Variants in RGS10 observed in about 807,000 individuals in gnomAD.
The protein encoded by RGS10 is regulator of G-protein signalling 10.
Under a neutral mutation model 23.5 loss-of-function variants are expected in RGS10, and 11 were observed. The observed-to-expected ratio is 0.47, with a 90% CI of 0.29 to 0.77. RGS10 has a LOEUF of 0.77. Among genes scored for constraint, RGS10 ranks in the 30% least tolerant of loss-of-function variants. The pLI is 0.08. For missense variants in RGS10, 180 were observed against 226.3 expected (o/e 0.80, Z 1.31); for synonymous variants, 77 against 83.2 (o/e 0.92, Z 0.41).
In RGS10 at chr10:119,501,779, A is replaced by ACTT. The variant is rs1307805703; in HGVS notation, c.400-1521_400-1520insAAG. Among the ~76,000 whole-genome samples the ACTT allele has an allele frequency of 1.5e-4, 23 of 152,334 alleles. No homozygotes were observed. The East Asian group carries it at 2.7e-3, about 18-fold the overall frequency. ...TAAAACAAACATCTGAGGGACTCAA[A>ACTT]GGACTCAGAACATCTGCTTGGAGGA... On this transcript the variant is annotated intron_variant, in intron 4 of 4. Transcript: ENST00000369103.
intron 4 of RGS10, among the ~76,000 whole-genome samples, chr10:119,512,943 C>T (rs1042833097): frequency 6.6e-6 from 1 of 152,110 alleles, no homozygotes; most frequent in Non-Finnish European, 1.5e-5. Context: ...TAAACATATA[C>T]ATTATTATTA....
chr10:119,512,183 C>G (rs968721755), intron 4 of RGS10, among the ~76,000 whole-genome samples: 2 of 152,172 alleles, frequency 1.3e-5, no homozygotes, highest in Non-Finnish European at 2.9e-5. Context: ...AGGAAAGCGG[C>G]TGCTCTGCGG....
At chr10:119,515,770 C>A (rs1050649058) in intron 3 of RGS10, 118 bp from the exon 4 acceptor site, 7 of 1,261,324 alleles carry the variant, frequency 5.5e-6, no homozygotes, top group East Asian at 2.4e-5. Flanking sequence ...AGGCACCCCC[C>A]ACAGCCCAGG....
At chr10:119,535,712 T>A (rs1440693925) in intron 1 of RGS10, among the ~76,000 whole-genome samples, 3 of 152,194 alleles carry the variant, frequency 2.0e-5, no homozygotes, top group Non-Finnish European at 4.4e-5. Flanking sequence ...TCAACTTACA[T>A]CCTCAGAAGG....
Position 119,500,036 on chromosome 10 carries a change from G to T in RGS10, c.*77C>A. On this transcript the variant is annotated 3_prime_UTR_variant, in exon 5 of 5. Coordinates refer to ENST00000369103, the MANE Select transcript of RGS10 (RefSeq NM_001005339.2). ...CATTTCAGTCCTTACAAATAACAAA[G>T]CAATGATAAACCCGGCACGGTCCTG... is the stretch of plus-strand genomic sequence containing the variant. 1 of 1,458,594 alleles carries T rather than the reference G, an allele frequency of 6.9e-7. No individual in the cohort carries two copies. Among genetic ancestry groups the T allele is most frequent in the Non-Finnish European group, 9.3e-7 (1 of 1,071,532 alleles). 90.4% of individuals were successfully genotyped at this position (1,458,594 alleles called of 1,614,324 possible).
intron 4 of RGS10, among the ~76,000 whole-genome samples, chr10:119,515,157 T>C (rs1437646627): frequency 6.6e-6 from 1 of 152,202 alleles, no homozygotes; most frequent in Non-Finnish European, 1.5e-5. Flanking sequence ...GCTTGCTTTC[T>C]GGAGTTTTCC....
intron 4 of RGS10, among the ~76,000 whole-genome samples, chr10:119,507,160 T>C (rs1048564613): frequency 2.6e-5 from 4 of 152,174 alleles, no homozygotes; most frequent in Admixed American, 2.6e-4. Flanking sequence ...CGGAGCATGC[T>C]GGAAAATACC....
chr10:119,542,492 A>C, intron 1 of RGS10, 98 bp downstream of exon 1: 1 of 1,096,480 alleles, frequency 9.1e-7, no homozygotes, highest in Non-Finnish European at 1.2e-6. Flanking sequence ...TCTGGGAGGT[A>C]CCACCGAGCC....
intron 1 of RGS10, among the ~76,000 whole-genome samples, chr10:119,528,420 G>T (rs1408473943): frequency 2.0e-5 from 3 of 152,050 alleles, no homozygotes; most frequent in Non-Finnish European, 2.9e-5. Context: ...AGACAGGATC[G>T]GTTATGCTGA....
intron 4 of RGS10, among the ~76,000 whole-genome samples, chr10:119,513,279 G>A (rs377395104): frequency 5.5e-4 from 84 of 152,162 alleles, no homozygotes; most frequent in Non-Finnish European, 1.0e-3. Flanking sequence ...GCAACATAGC[G>A]AAAGTTCATC....
chr10:119,506,484 C>T (rs1844014096), intron 4 of RGS10, among the ~76,000 whole-genome samples: 1 of 152,202 alleles, frequency 6.6e-6, no homozygotes. Context: ...GGACGATATC[C>T]CCTCCCAAGC....
intron 4 of RGS10, among the ~76,000 whole-genome samples, chr10:119,504,786 G>A (rs945510503): frequency 6.6e-6 from 1 of 152,046 alleles, no homozygotes; most frequent in Admixed American, 6.6e-5. Flanking sequence ...AAGGAGTGCC[G>A]GCAGCCACCA....
intron 4 of RGS10, among the ~76,000 whole-genome samples, chr10:119,503,352 A>AG (rs1843972932): frequency 6.6e-6 from 1 of 152,000 alleles, no homozygotes; most frequent in East Asian, 1.9e-4. Context: ...AAAAAAAAAA[A>AG]AAAGAGAATG....
At chr10:119,507,500 C>T (rs1844028500) in intron 4 of RGS10, among the ~76,000 whole-genome samples, 1 of 151,342 alleles carries the variant, frequency 6.6e-6, no homozygotes, top group Admixed American at 6.6e-5. Flanking sequence ...AAAGAAACTG[C>T]ATTGCTAAAA....
At position 119,527,902 on chromosome 10, in the gene RGS10, C is replaced by T. The variant is rs1020720695; in HGVS notation, c.50-478G>A. 8.5e-5 allele frequency among the ~76,000 whole-genome samples: 13 copies of T among 152,308 alleles called. No individual in the cohort carries two copies. Among genetic ancestry groups the T allele is most frequent in the African/African-American group, 2.9e-4 (12 of 41,560 alleles). On this transcript the variant is annotated intron_variant, in intron 1 of 4. Transcript: ENST00000369103. The surrounding 1 kb of genome is among the most constrained non-coding windows in gnomAD (Gnocchi z 4.2). ...TGTCCTCATCTTGTATCTCCAGCAC[C>T]TAGCTCATTATCTGGCACAGAGATT...
At chr10:119,511,092 G>T (rs571149831) in intron 4 of RGS10, among the ~76,000 whole-genome samples, 56 of 152,216 alleles carry the variant, frequency 3.7e-4, no homozygotes, top group Middle Eastern at 6.8e-3. Flanking sequence ...TCTTTGTAAG[G>T]TAACCCCCTT....
rs1343930654 is a variant in RGS10 at position 119,527,195 on chromosome 10, T to C, written c.168+111A>G. The C allele has an allele frequency of 1.7e-5, 12 of 718,696 alleles. No individual in the cohort carries two copies. The highest frequency in any genetic ancestry group is 8.0e-5 in the East Asian group (3 of 37,276). The allele number at this position is 718,696 out of a possible 1,614,324, so 44.5% of individuals were successfully genotyped here. On this transcript the variant is annotated intron_variant, in intron 2 of 4. Transcript: ENST00000369103. The surrounding 1 kb of genome is among the most constrained non-coding windows in gnomAD (Gnocchi z 4.2). ...ACAGTACTGAACTCTCAAGCTGGCA[T>C]AGAGAGTGCTACGCTGACAGACAAT...
chr10:119,508,002 A>T (rs1381935315), intron 4 of RGS10, among the ~76,000 whole-genome samples: 1 of 151,646 alleles, frequency 6.6e-6, no homozygotes, highest in African/African-American at 2.4e-5. Context: ...CTGCTTGTGT[A>T]TTTATTTATT....
rs1029050105 is a variant in RGS10, at chr10:119,517,152, T to C, written c.256-1500A>G. Among the ~76,000 whole-genome samples, 1 of 152,126 alleles carries C rather than the reference T, an allele frequency of 6.6e-6. No individual in the cohort carries two copies. The highest frequency in any genetic ancestry group is 1.5e-5 in the Non-Finnish European group (1 of 68,022). ...CCAGAAGGTTTTGATAGCTGGGGCATGAAAGGAAGGAAGGGTAGCCCTTTT... is the reference window on the plus strand; with the variant it reads ...CCAGAAGGTTTTGATAGCTGGGGCACGAAAGGAAGGAAGGGTAGCCCTTTT... On this transcript the variant is annotated intron_variant, in intron 3 of 4. Coordinates refer to ENST00000369103, the MANE Select transcript of RGS10 (RefSeq NM_001005339.2). This position sits in a 1 kb window ranked among gnomAD's most constrained non-coding sequence, Gnocchi z 5.0.
Sources: gnomAD v4.1 joint callset for allele counts (sites outside exome capture counted in the v4.1 genomes callset) on GRCh38, gnomAD v4.1.1 for gene constraint, Gnocchi (gnomAD v3.1) non-coding constraint, MANE v1.5 for transcripts, NCBI Gene and HGNC (gene_info 2026-07-23, HGNC 2026-07-21) for gene names.